Variants in DCLK1 observed in about 807,000 individuals in gnomAD.
DCLK1 encodes doublecortin like kinase 1.
In DCLK1, 16 loss-of-function variants were observed where a neutral mutation model predicts 86.2. The ratio of observed to expected loss-of-function variants is 0.19; its 90% CI spans 0.13 to 0.28. DCLK1 has a LOEUF of 0.28. Among genes scored for constraint, DCLK1 ranks in the 10% least tolerant of loss-of-function variants. The probability of loss-of-function intolerance (pLI) is 1.00; values close to 1 mark genes in which losing one functional copy is unlikely to be tolerated. For synonymous variants in DCLK1, 369 were observed against 370.5 expected (o/e 1.00, Z 0.05); for missense variants, 590 against 940.2 (o/e 0.63, Z 4.87).
At chr13:36,004,211 A>G (rs1880847569) in intron 3 of DCLK1, among the ~76,000 whole-genome samples, 1 of 152,254 alleles carries the variant, frequency 6.6e-6, no homozygotes, top group South Asian at 2.1e-4. Flanking sequence ...TCAGTATGTG[A>G]TCACAAAATG....
intron 3 of DCLK1, among the ~76,000 whole-genome samples, chr13:36,030,226 C>T (rs1204019394): frequency 5.9e-5 from 9 of 152,210 alleles, no homozygotes; most frequent in Non-Finnish European, 2.9e-5. Flanking sequence ...CACTGTCACT[C>T]TGTAAGAGCT....
chr13:35,891,265 A>C (rs1049037686), intron 4 of DCLK1, among the ~76,000 whole-genome samples: 1 of 151,806 alleles, frequency 6.6e-6, no homozygotes, highest in Non-Finnish European at 1.5e-5. Flanking sequence ...TAATTTTTTT[A>C]AAAAAAACAG....
chr13:35,935,057 C>T (rs1375252007), intron 4 of DCLK1, among the ~76,000 whole-genome samples: 1 of 151,990 alleles, frequency 6.6e-6, no homozygotes, highest in Non-Finnish European at 1.5e-5. Flanking sequence ...CCTCAAAGGA[C>T]AAGATGGAGT....
intron 3 of DCLK1, among the ~76,000 whole-genome samples, chr13:35,990,477 G>C (rs1247132417): frequency 6.6e-6 from 1 of 151,924 alleles, no homozygotes; most frequent in Non-Finnish European, 1.5e-5. Flanking sequence ...TTCATCTTCA[G>C]TTACAAGGCT....
chr13:35,947,229 A>C, intron 4 of DCLK1, 129 bp downstream of exon 4: 1 of 570,378 alleles, frequency 1.8e-6, no homozygotes, highest in Non-Finnish European at 3.0e-6. Context: ...AAGATATGGA[A>C]AAGACACGCT....
chr13:36,075,554 C>A (rs780270758), intron 3 of DCLK1, among the ~76,000 whole-genome samples: 3 of 152,294 alleles, frequency 2.0e-5, no homozygotes, highest in East Asian at 1.9e-4. Context: ...TGAAAAATTT[C>A]TCTCTATTGA....
chr13:35,932,600 AAGAG>A (rs1464387102), intron 4 of DCLK1, among the ~76,000 whole-genome samples: 1 of 152,192 alleles, frequency 6.6e-6, no homozygotes, highest in Non-Finnish European at 1.5e-5. Context: ...GCAGCAGGCA[AAGAG>A]AGAGTGAGGA....
At chr13:35,788,761 A>T (rs993645267) in intron 16 of DCLK1, among the ~76,000 whole-genome samples, 2 of 152,194 alleles carry the variant, frequency 1.3e-5, no homozygotes, top group African/African-American at 4.8e-5. Context: ...CAATTACAGC[A>T]TTTAAATTTC....
intron 3 of DCLK1, among the ~76,000 whole-genome samples, chr13:35,968,058 AT>A (rs201515917): frequency 4.6e-5 from 7 of 151,936 alleles, no homozygotes; most frequent in African/African-American, 1.2e-4. Flanking sequence ...AAAAAAAAAA[AT>A]GAATGAAAAT....
intron 4 of DCLK1, among the ~76,000 whole-genome samples, chr13:35,919,230 T>A (rs1033304125): frequency 6.6e-6 from 1 of 152,066 alleles, no homozygotes; most frequent in East Asian, 1.9e-4. Context: ...CTAATTAAGT[T>A]TTTTAAAAGT....
At chr13:36,030,463 AT>A (rs139224506) in intron 3 of DCLK1, among the ~76,000 whole-genome samples, 12,204 of 119,882 alleles carry the variant, frequency 0.1, 1,143 homozygotes, top group East Asian at 0.33. Context: ...CACCTGGCTA[AT>A]TTTTTTTTTT....
chr13:35,942,134 G>A lies in DCLK1; in HGVS notation c.823+5224C>T, dbSNP rs574478182. Reference sequence around the variant, plus strand: ...CATCAGCTCTCCTCCCTGATGGTTCGAATCCACACGGCTTTAATGTTTTCT... The same window carrying A: ...CATCAGCTCTCCTCCCTGATGGTTCAAATCCACACGGCTTTAATGTTTTCT... On this transcript the variant is annotated intron_variant, in intron 4 of 16. Transcript: ENST00000360631. Among the ~76,000 whole-genome samples the A allele has an allele frequency of 2.6e-4, 39 of 152,100 alleles. No individual in the cohort carries two copies. In the East Asian group the frequency reaches 7.2e-3, roughly 28 times the overall value.
intron 3 of DCLK1, among the ~76,000 whole-genome samples, chr13:36,016,132 G>T (rs556005381): frequency 6.6e-6 from 1 of 152,172 alleles, no homozygotes; most frequent in Non-Finnish European, 1.5e-5. Context: ...TTCACATTTC[G>T]TGTTCAAATG....
intron 4 of DCLK1, among the ~76,000 whole-genome samples, chr13:35,902,830 A>G (rs1018652990): frequency 6.6e-6 from 1 of 152,204 alleles, no homozygotes; most frequent in Non-Finnish European, 1.5e-5. Flanking sequence ...CATATGTCCA[A>G]AAGATGCTGG....
chr13:35,844,406 G>C (rs1395012012), intron 6 of DCLK1, among the ~76,000 whole-genome samples: 1 of 152,170 alleles, frequency 6.6e-6, no homozygotes, highest in African/African-American at 2.4e-5. Flanking sequence ...TGTACTGTTT[G>C]TTGTATTGGG....
intron 6 of DCLK1, among the ~76,000 whole-genome samples, chr13:35,851,330 T>C (rs1019406400): frequency 6.6e-6 from 1 of 152,128 alleles, no homozygotes; most frequent in African/African-American, 2.4e-5. Flanking sequence ...CTTCCCAATG[T>C]TCTTTCCCTG....
intron 3 of DCLK1, among the ~76,000 whole-genome samples, chr13:36,022,550 T>A (rs1593825452): frequency 6.6e-6 from 1 of 151,468 alleles, no homozygotes; most frequent in East Asian, 1.9e-4. Flanking sequence ...AAGAGAGAAA[T>A]CTCAAAATAC....
chr13:35,929,306 A>T (rs1195087731), intron 4 of DCLK1, among the ~76,000 whole-genome samples: 2 of 152,274 alleles, frequency 1.3e-5, no homozygotes, highest in African/African-American at 4.8e-5. Context: ...AAAAGGTATG[A>T]AAACATAAAT....
In DCLK1 at chr13:36,064,659, T is replaced by TAA. The variant is rs5802801; in HGVS notation, c.723+47208_723+47209dup. ...GGCGACAGAGTGAGACTCCGTCTATTAAAAAAAAAAAAGAAAGAAAGTCAG... is the reference window on the plus strand; with the variant it reads ...GGCGACAGAGTGAGACTCCGTCTATTAAAAAAAAAAAAAAGAAAGAAAGTCAG... On this transcript the variant is annotated intron_variant, in intron 3 of 16. Coordinates refer to ENST00000360631, the MANE Select transcript of DCLK1 (RefSeq NM_001330071.2). Among the ~76,000 whole-genome samples, 618 of 141,486 alleles carry TAA rather than the reference T, an allele frequency of 4.4e-3. 4 individuals carry two copies. The highest frequency in any genetic ancestry group is 0.015 in the African/African-American group (557 of 37,858). The allele number at this position is 141,486 out of a possible 152,430, so 92.8% of individuals were successfully genotyped here.
Sources: allele counts gnomAD v4.1 joint callset (sites outside exome capture counted in the v4.1 genomes callset), GRCh38; gene constraint gnomAD v4.1.1; transcripts MANE v1.5; gene names NCBI Gene and HGNC (gene_info 2026-07-23, HGNC 2026-07-21).